The following SNTG2 variants were observed in gnomAD, a reference collection of about 807,000 sequenced individuals.
SNTG2 encodes syntrophin gamma 2.
In SNTG2, 74 loss-of-function variants were observed where a neutral mutation model predicts 70.9. The observed-to-expected ratio is 1.04, with a 90% confidence interval of 0.86 to 1.27. SNTG2 has a LOEUF of 1.27. SNTG2 is among the 50% of genes most tolerant of loss of function. The probability of loss-of-function intolerance (pLI) is 0.00; values close to 1 mark genes in which losing one functional copy is unlikely to be tolerated. For synonymous variants in SNTG2, 278 were observed against 273.8 expected (o/e 1.02, Z -0.15); for missense variants, 717 against 690.7 (o/e 1.04, Z -0.43).
chr2:1,029,241 A>C, intron 1 of SNTG2, among the ~76,000 whole-genome samples: 1 of 152,192 alleles, frequency 6.6e-6, no homozygotes, highest in East Asian at 1.9e-4. Context: ...GGCTAGTTTG[A>C]TTTACAATTT....
chr2:1,250,326 G>C (rs1677677058), intron 12 of SNTG2, among the ~76,000 whole-genome samples: 1 of 152,206 alleles, frequency 6.6e-6, no homozygotes, highest in Non-Finnish European at 1.5e-5. Flanking sequence ...GGCAACATCT[G>C]CTTGTCCATT....
At position 1,330,723 on chromosome 2, in the gene SNTG2, G is replaced by T. The variant is rs563054083; in HGVS notation, c.1488+14348G>T. 5.3e-5 allele frequency among the ~76,000 whole-genome samples: 8 copies of T among 152,272 alleles called. No individual in the cohort carries two copies. In the South Asian group the frequency reaches 1.5e-3, roughly 28 times the overall value. Reference sequence around the variant, plus strand: ...TCAAAAGACTTGCATTGTGACCATTGTTTTTTAGGGTCACCTTGAGTCACA... The same window carrying T: ...TCAAAAGACTTGCATTGTGACCATTTTTTTTTAGGGTCACCTTGAGTCACA... On this transcript the variant is annotated intron_variant, in intron 16 of 16. Transcript: ENST00000308624.
rs533572258 is a variant in SNTG2 at position 1,322,808 on chromosome 2, G to A, written c.1488+6433G>A. 3.9e-5 allele frequency among the ~76,000 whole-genome samples: 6 copies of A among 152,098 alleles called. No homozygotes were observed. In the South Asian group the frequency reaches 1.0e-3, roughly 26 times the overall value. ...TGATTTGGGGGCACTTTGCACGTGGGAACCTGGGAAGGGCCCCTGCCACTG... is the reference window on the plus strand; with the variant it reads ...TGATTTGGGGGCACTTTGCACGTGGAAACCTGGGAAGGGCCCCTGCCACTG... On this transcript the variant is annotated intron_variant, in intron 16 of 16. Transcript: ENST00000308624.
At chr2:1,101,287 C>T (rs1051590006) in intron 4 of SNTG2, among the ~76,000 whole-genome samples, 3 of 151,866 alleles carry the variant, frequency 2.0e-5, no homozygotes, top group Admixed American at 6.5e-5. Context: ...CCCAGGCCCA[C>T]GACCTCAGCA....
At chr2:1,175,770 G>A (rs1337605589) in intron 8 of SNTG2, among the ~76,000 whole-genome samples, 3 of 152,204 alleles carry the variant, frequency 2.0e-5, no homozygotes, top group African/African-American at 7.2e-5. Context: ...CTCCCATTGT[G>A]TGGCTGTAGC....
chr2:1,037,067 G>A (rs1169288971), intron 1 of SNTG2, among the ~76,000 whole-genome samples: 1 of 152,252 alleles, frequency 6.6e-6, no homozygotes, highest in Non-Finnish European at 1.5e-5. Context: ...TGGAGCACAA[G>A]CAAAGTAGAA....
intron 16 of SNTG2, among the ~76,000 whole-genome samples, chr2:1,352,577 G>T (rs1033647392): frequency 2.6e-5 from 4 of 152,224 alleles, no homozygotes; most frequent in Admixed American, 2.6e-4. Context: ...CCCAGGAAAT[G>T]CTGTCTCTGC....
intron 13 of SNTG2, among the ~76,000 whole-genome samples, chr2:1,264,913 A>G (rs1407551705): frequency 1.3e-5 from 2 of 152,196 alleles, no homozygotes; most frequent in East Asian, 1.9e-4. Flanking sequence ...CATACAGAAT[A>G]TGTGTTAATT....
At chr2:1,004,773 A>G (rs1330972305) in intron 1 of SNTG2, among the ~76,000 whole-genome samples, 1 of 152,238 alleles carries the variant, frequency 6.6e-6, no homozygotes, top group African/African-American at 2.4e-5. Context: ...TTTGCTAAAC[A>G]TATTCTTAAC....
intron 1 of SNTG2, among the ~76,000 whole-genome samples, chr2:982,843 C>T (rs911143864): frequency 2.0e-5 from 3 of 152,084 alleles, no homozygotes; most frequent in Admixed American, 6.5e-5. Context: ...TCCCAAGGTG[C>T]AGAGACTGTG....
chr2:1,260,811 T>C (rs1678374729), intron 13 of SNTG2, among the ~76,000 whole-genome samples: 1 of 152,220 alleles, frequency 6.6e-6, no homozygotes, highest in South Asian at 2.1e-4. Flanking sequence ...TTGGCCTTTT[T>C]GTTTCCTTCG....
chr2:1,349,754 C>T (rs1383476088), intron 16 of SNTG2, among the ~76,000 whole-genome samples: 1 of 152,208 alleles, frequency 6.6e-6, no homozygotes, highest in Non-Finnish European at 1.5e-5. Flanking sequence ...ACTGTTTATG[C>T]ATGATTGCAT....
chr2:1,129,542 A>G (rs1319766006), intron 4 of SNTG2, among the ~76,000 whole-genome samples: 1 of 152,264 alleles, frequency 6.6e-6, no homozygotes. Context: ...GCCAAACCAT[A>G]AAGTCAAATA....
intron 1 of SNTG2, among the ~76,000 whole-genome samples, chr2:967,754 C>T (rs1450449108): frequency 6.6e-6 from 1 of 152,152 alleles, no homozygotes; most frequent in African/African-American, 2.4e-5. Flanking sequence ...TTGTGCCAGG[C>T]ACGGTGGCTC....
chr2:1,283,193 A>G (rs766134433), intron 14 of SNTG2, among the ~76,000 whole-genome samples: 4 of 151,970 alleles, frequency 2.6e-5, no homozygotes, highest in Non-Finnish European at 5.9e-5. Context: ...GCTGCCGCCC[A>G]CGCCCTAACT....
Position 1,083,177 on chromosome 2 carries a change from T to TAA in SNTG2, c.73-335_73-334dup, listed in dbSNP as rs763132513. Among the ~76,000 whole-genome samples, 397 of 48,368 alleles carry TAA rather than the reference T, an allele frequency of 8.2e-3. 2 individuals carry two copies. The highest frequency in any genetic ancestry group is 0.021 in the African/African-American group (382 of 18,258). The allele number at this position is 48,368 out of a possible 152,430, so 31.7% of individuals were successfully genotyped here. ...TTTATTCAAATAACTTTAGTTAAAC[T>TAA]AAAAAAATATATATATATATATTTG... On this transcript the variant is annotated intron_variant, in intron 1 of 16. Coordinates refer to ENST00000308624, the MANE Select transcript of SNTG2 (RefSeq NM_018968.4).
intron 13 of SNTG2, among the ~76,000 whole-genome samples, chr2:1,262,648 C>CGAGGAAACCCAAAGGCTCAGTCCAGAA: frequency 6.6e-6 from 1 of 152,154 alleles, no homozygotes; most frequent in African/African-American, 2.4e-5. Flanking sequence ...TCAGTCCAGA[C>CGAGGAAACCCAAAGGCTCAGTCCAGAA]GTAGTAACCG....
chr2:1,262,582 TCTCAGTCCAGACGAGGAAACCCAAAGG>T (rs1288455356), intron 13 of SNTG2, among the ~76,000 whole-genome samples: 8,200 of 133,346 alleles, frequency 0.061, 165 homozygotes, highest in South Asian at 0.11. Context: ...CCGGGTCAAG[TCTCAGTCCAGACGAGGAAACCCAAAGG>T]CTCAGTCCAG....
chr2:1,226,304 T>C (rs1210935208), intron 9 of SNTG2, among the ~76,000 whole-genome samples: 1 of 152,170 alleles, frequency 6.6e-6, no homozygotes, highest in African/African-American at 2.4e-5. Context: ...TGTGTGTTTC[T>C]CAAAAACGGG....
Sources: allele counts gnomAD v4.1 joint callset (sites outside exome capture counted in the v4.1 genomes callset), GRCh38; gene constraint gnomAD v4.1.1; transcripts MANE v1.5; gene names NCBI Gene and HGNC (gene_info 2026-07-23, HGNC 2026-07-21).